The following CACNB2 variants were observed in gnomAD, a reference collection of about 807,000 sequenced individuals.
CACNB2 encodes calcium voltage-gated channel auxiliary subunit beta 2, also known as voltage-dependent L-type calcium channel subunit beta-2.
A neutral mutation model predicts 73.3 loss-of-function variants in CACNB2; 42 were observed. The observed-to-expected ratio is 0.57, with a 90% confidence interval of 0.45 to 0.74. CACNB2 has a LOEUF of 0.74. Among genes scored for constraint, CACNB2 ranks in the 30% least tolerant of loss-of-function variants. The probability of loss-of-function intolerance (pLI) is 0.00; values close to 1 mark genes in which losing one functional copy is unlikely to be tolerated. For synonymous variants in CACNB2, 348 were observed against 310.3 expected (o/e 1.12, Z -1.28); for missense variants, 940 against 853.0 (o/e 1.10, Z -1.27).
intron 2 of CACNB2, among the ~76,000 whole-genome samples, chr10:18,155,996 T>C (rs899334578): frequency 3.3e-5 from 5 of 151,890 alleles, no homozygotes; most frequent in Admixed American, 1.3e-4. Flanking sequence ...TTATTACTCT[T>C]TGTAGTCAAT....
At chr10:18,147,479 CAAG>C (rs1277973761) in intron 1 of CACNB2, among the ~76,000 whole-genome samples, 2 of 151,924 alleles carry the variant, frequency 1.3e-5, no homozygotes, top group African/African-American at 2.4e-5. Flanking sequence ...GGGACTCTTT[CAAG>C]AAGGACACAG....
At chr10:18,364,323 T>C (rs2042262554) in intron 2 of CACNB2, among the ~76,000 whole-genome samples, 1 of 150,134 alleles carries the variant, frequency 6.7e-6, no homozygotes, top group Non-Finnish European at 1.5e-5. Flanking sequence ...TTCTGGGAGA[T>C]AGAGTCTTGC....
intron 2 of CACNB2, among the ~76,000 whole-genome samples, chr10:18,363,273 A>G (rs2042214887): frequency 6.6e-6 from 1 of 152,188 alleles, no homozygotes; most frequent in Non-Finnish European, 1.5e-5. Context: ...CAGGCTCTCA[A>G]CAGGATGGAT....
chr10:18,235,337 A>G (rs1314759817), intron 2 of CACNB2, among the ~76,000 whole-genome samples: 2 of 151,742 alleles, frequency 1.3e-5, no homozygotes, highest in Non-Finnish European at 2.9e-5. Context: ...GCATGCTTGT[A>G]GTCTCAGCTA....
intron 3 of CACNB2, among the ~76,000 whole-genome samples, chr10:18,417,360 CTTTTT>C (rs34847923): frequency 8.0e-5 from 7 of 87,010 alleles, no homozygotes; most frequent in Admixed American, 2.9e-4. Flanking sequence ...GCTAAAAATT[CTTTTT>C]TTTTTTTTTT....
intron 2 of CACNB2, chr10:18,257,461 G>A (rs1409852421): frequency 1.3e-5 from 2 of 152,282 alleles, no homozygotes; most frequent in African/African-American, 4.8e-5. Flanking sequence ...AGTTTAGAAT[G>A]AGGACTTGGG....
intron 2 of CACNB2, among the ~76,000 whole-genome samples, chr10:18,197,571 A>G (rs1564336209): frequency 6.6e-6 from 1 of 152,178 alleles, no homozygotes; most frequent in African/African-American, 2.4e-5. Context: ...CCACGATGAC[A>G]TCCAAAGTGC....
intron 3 of CACNB2, among the ~76,000 whole-genome samples, chr10:18,464,333 C>G (rs996234515): frequency 6.8e-6 from 1 of 147,194 alleles, no homozygotes. Flanking sequence ...ATCACCTGAG[C>G]CTAAGGAGGT....
At chr10:18,369,885 C>T (rs1454598826) in intron 2 of CACNB2, among the ~76,000 whole-genome samples, 1 of 152,172 alleles carries the variant, frequency 6.6e-6, no homozygotes, top group African/African-American at 2.4e-5. Context: ...CCACCCTTGG[C>T]AACAGAGCAA....
At chr10:18,437,410 A>AGC (rs1373118488) in intron 3 of CACNB2, among the ~76,000 whole-genome samples, 1 of 152,222 alleles carries the variant, frequency 6.6e-6, no homozygotes, top group East Asian at 1.9e-4. Flanking sequence ...AAAACCAAAT[A>AGC]GCGTATCGTT....
intron 3 of CACNB2, among the ~76,000 whole-genome samples, chr10:18,443,524 A>G (rs764081843): frequency 6.6e-6 from 1 of 152,030 alleles, no homozygotes; most frequent in South Asian, 2.1e-4. Flanking sequence ...TGTAGACCCA[A>G]CTCCTCAGAT....
At chr10:18,372,302 G>T (rs1209267559) in intron 2 of CACNB2, among the ~76,000 whole-genome samples, 1 of 152,142 alleles carries the variant, frequency 6.6e-6, no homozygotes, top group African/African-American at 2.4e-5. Flanking sequence ...GAATGGTATT[G>T]CCTAGGTTTT....
At chr10:18,337,781 A>T (rs560884109) in intron 2 of CACNB2, among the ~76,000 whole-genome samples, 1 of 152,182 alleles carries the variant, frequency 6.6e-6, no homozygotes, top group Non-Finnish European at 1.5e-5. Context: ...GTATTTCTGC[A>T]TATTTTCAAC....
At chr10:18,278,831 C>T (rs1193427388) in intron 2 of CACNB2, among the ~76,000 whole-genome samples, 1 of 152,012 alleles carries the variant, frequency 6.6e-6, no homozygotes, top group African/African-American at 2.4e-5. Flanking sequence ...GCCTGGGGAA[C>T]ATGATGAGAC....
chr10:18,241,991 C>T (rs188879090), intron 2 of CACNB2, among the ~76,000 whole-genome samples: 1 of 151,984 alleles, frequency 6.6e-6, no homozygotes, highest in Admixed American at 6.6e-5. Context: ...TAGTCAACCA[C>T]CAATTTTATA....
At chr10:18,261,862 TGTGTTTTGCAAAA>T in intron 2 of CACNB2, 2 of 508,326 alleles carry the variant, frequency 3.9e-6, no homozygotes, top group Middle Eastern at 3.3e-4. Flanking sequence ...ATGGCCCTGC[TGTGTTTTGCAAAA>T]TGGCTGTCTG....
At chr10:18,306,608 A>G (rs2039738596) in intron 2 of CACNB2, among the ~76,000 whole-genome samples, 1 of 152,176 alleles carries the variant, frequency 6.6e-6, no homozygotes, top group Admixed American at 6.5e-5. Context: ...AACTGGATAA[A>G]GTGTTATGTA....
Position 18,539,327 on chromosome 10 carries a change from A to C in CACNB2, c.1586A>C (p.Gln529Pro). ...AGTGTGGAACCAGTCAAGAAATCCC[A>C]GCACCGCTCTTCCTCCTCAGCCCCA... ...EPSVEPVKKS[Q>P]HRSSSSAPHH... Residue 529 changes from glutamine (Q) to proline (P), a missense_variant, in exon 14 of 14, where the codon CAG becomes CCG. Transcript: ENST00000324631. The C allele has an allele frequency of 6.2e-7, 1 of 1,614,016 alleles. No homozygotes were observed. Among genetic ancestry groups the C allele is most frequent in the East Asian group, 2.2e-5 (1 of 44,870 alleles).
intron 3 of CACNB2, among the ~76,000 whole-genome samples, chr10:18,421,730 T>A (rs1464283984): frequency 6.6e-6 from 1 of 152,210 alleles, no homozygotes; most frequent in Non-Finnish European, 1.5e-5. Flanking sequence ...TGGCTTATAT[T>A]TCCAGGGTCT....
Sources: allele counts gnomAD v4.1 joint callset (sites outside exome capture counted in the v4.1 genomes callset), GRCh38; gene constraint gnomAD v4.1.1; transcripts MANE v1.5; gene names NCBI Gene and HGNC (gene_info 2026-07-23, HGNC 2026-07-21).